Variants in CECR2 observed in about 807,000 individuals in gnomAD.
CECR2 encodes the protein CECR2 histone acetyl-lysine reader.
A neutral mutation model predicts 154.5 loss-of-function variants in CECR2; 30 were observed. That is an observed-to-expected ratio of 0.19 (90% CI 0.15 to 0.26). The LOEUF (loss-of-function observed/expected upper bound fraction) is 0.26, where lower values mean the gene tolerates loss of function less well. CECR2 is among the 10% of genes least tolerant of loss of function. CECR2 has a pLI of 1.00. For synonymous variants in CECR2, 725 were observed against 683.7 expected (o/e 1.06, Z -0.94); for missense variants, 1,743 against 1,829.3 (o/e 0.95, Z 0.86).
chr22:17,463,249 AG>A (rs1402824825), intron 1 of CECR2, among the ~76,000 whole-genome samples: 2 of 152,148 alleles, frequency 1.3e-5, no homozygotes, highest in Non-Finnish European at 2.9e-5. Flanking sequence ...AAGCGATGTT[AG>A]CGTGTCAGCA....
chr22:17,511,518 ATTTTT>A (rs36060157), intron 7 of CECR2, among the ~76,000 whole-genome samples: 3 of 146,532 alleles, frequency 2.0e-5, no homozygotes, highest in South Asian at 2.2e-4. Context: ...TGGGAAGATA[ATTTTT>A]TTTTTTTTTT....
At chr22:17,369,303 G>GCGCGCGCCCCGCCC (rs1491205695), upstream of CECR2, 1 of 150,986 alleles carries the variant, frequency 6.6e-6, no homozygotes, top group Non-Finnish European at 1.5e-5. Context: ...GGGCCCGGGG[G>GCGCGCGCCCCGCCC]CGCGCGCCCC....
chr22:17,426,820 G>A (rs116169191), intron 1 of CECR2, among the ~76,000 whole-genome samples: 2,219 of 152,028 alleles, frequency 0.015, 54 homozygotes, highest in African/African-American at 0.049. Flanking sequence ...CCTATAAATT[G>A]GTGGTTAAAT....
At chr22:17,491,790 T>G (rs1034508793) in intron 2 of CECR2, among the ~76,000 whole-genome samples, 1 of 152,206 alleles carries the variant, frequency 6.6e-6, no homozygotes, top group Admixed American at 6.5e-5. Flanking sequence ...CTTTCTTGGT[T>G]ACCCAACATA....
chr22:17,505,517 C>A (rs900664222), intron 7 of CECR2, among the ~76,000 whole-genome samples: 1 of 147,698 alleles, frequency 6.8e-6, no homozygotes, highest in African/African-American at 2.5e-5. Flanking sequence ...TTTCAAACAT[C>A]CTTCATCCTC....
At chr22:17,468,412 G>T (rs2055069017) in intron 1 of CECR2, among the ~76,000 whole-genome samples, 1 of 152,184 alleles carries the variant, frequency 6.6e-6, no homozygotes, top group African/African-American at 2.4e-5. Flanking sequence ...AGGTGTGGTG[G>T]CTCACGCCTG....
intron 7 of CECR2, among the ~76,000 whole-genome samples, chr22:17,509,466 G>C (rs1206476720): frequency 1.4e-5 from 2 of 144,424 alleles, no homozygotes; most frequent in African/African-American, 2.6e-5. Flanking sequence ...ACCTTACTCT[G>C]TTACCCAGGC....
In CECR2 at chr22:17,491,580, TG is replaced by T. The variant is rs1156606549; in HGVS notation, c.222-5822del. Among the ~76,000 whole-genome samples, 500 of 107,872 alleles carry T rather than the reference TG, an allele frequency of 4.6e-3. 19 individuals are homozygous for T. Among genetic ancestry groups the T allele is most frequent in the Admixed American group, 0.04 (388 of 9,758 alleles). 70.8% of individuals were successfully genotyped at this position (107,872 alleles called of 152,430 possible). On this transcript the variant is annotated intron_variant, in intron 2 of 18. Coordinates refer to ENST00000262608, the MANE Select transcript of CECR2 (RefSeq NM_001290047.2). Reference sequence around the variant, plus strand: ...TGGCTTCTTATTCTGTGTGTGTGTGTGTGGGGGGGTGGGTGTTTAGCAGTCG... The same window carrying T: ...TGGCTTCTTATTCTGTGTGTGTGTGTTGGGGGGGTGGGTGTTTAGCAGTCG...
At chr22:17,507,048 G>A (rs1243375464) in intron 7 of CECR2, among the ~76,000 whole-genome samples, 1 of 152,192 alleles carries the variant, frequency 6.6e-6, no homozygotes, top group Non-Finnish European at 1.5e-5. Flanking sequence ...CATGTTAATA[G>A]AGGACCAGAA....
intron 9 of CECR2, among the ~76,000 whole-genome samples, chr22:17,529,452 G>A (rs181004294): frequency 6.6e-6 from 1 of 152,338 alleles, no homozygotes; most frequent in Admixed American, 6.5e-5. Context: ...TGTAATCCCA[G>A]CACTTTGGAA....
intron 1 of CECR2, among the ~76,000 whole-genome samples, chr22:17,388,492 C>T (rs1027156805): frequency 2.0e-5 from 3 of 152,062 alleles, no homozygotes; most frequent in Admixed American, 6.6e-5. Flanking sequence ...CAGGAAAATG[C>T]GGAGGCATTT....
At chr22:17,371,179 T>C (rs1296916515) in intron 1 of CECR2, among the ~76,000 whole-genome samples, 1 of 152,170 alleles carries the variant, frequency 6.6e-6, no homozygotes, top group Non-Finnish European at 1.5e-5. Context: ...GTGAATGAAG[T>C]GTGGGAACTT....
chr22:17,524,326 C>CTGTAGCCA, intron 9 of CECR2, 55 bp downstream of exon 9: 1 of 1,588,842 alleles, frequency 6.3e-7, no homozygotes, highest in Non-Finnish European at 8.6e-7. Flanking sequence ...ACCAGCCGTC[C>CTGTAGCCA]TGTAGCCAGA....
intron 1 of CECR2, among the ~76,000 whole-genome samples, chr22:17,392,857 T>G (rs961366852): frequency 2.0e-5 from 3 of 152,058 alleles, no homozygotes; most frequent in Non-Finnish European, 4.4e-5. Flanking sequence ...CTGGCCAACA[T>G]GGTGAAACCC....
chr22:17,549,999 T>C (rs991555781), intron 17 of CECR2, among the ~76,000 whole-genome samples: 2 of 151,076 alleles, frequency 1.3e-5, no homozygotes, highest in East Asian at 1.9e-4. Context: ...ACAAAAAAAA[T>C]ATGTGAATTA....
At chr22:17,383,331 C>T (rs1275210382) in intron 1 of CECR2, among the ~76,000 whole-genome samples, 2 of 152,216 alleles carry the variant, frequency 1.3e-5, no homozygotes, top group Non-Finnish European at 2.9e-5. Flanking sequence ...AAGATTTCTC[C>T]ATAGCATGCC....
At chr22:17,544,784 T>C (rs1292214579) in intron 16 of CECR2, among the ~76,000 whole-genome samples, 1 of 111,878 alleles carries the variant, frequency 8.9e-6, no homozygotes, top group East Asian at 3.0e-4. Flanking sequence ...CACTCCAGCC[T>C]GGGCCACAAA....
At chr22:17,487,453 A>G (rs909259609) in intron 2 of CECR2, among the ~76,000 whole-genome samples, 2 of 152,168 alleles carry the variant, frequency 1.3e-5, no homozygotes, top group African/African-American at 4.8e-5. Context: ...TAATCCCAGC[A>G]CTTTGGGAGG....
intron 1 of CECR2, among the ~76,000 whole-genome samples, chr22:17,453,828 G>A (rs147485066): frequency 1.7e-4 from 26 of 152,270 alleles, no homozygotes; most frequent in Non-Finnish European, 2.6e-4. Flanking sequence ...GCTGACGAGC[G>A]TACCCTTTCT....
Sources: allele counts gnomAD v4.1 joint callset (sites outside exome capture counted in the v4.1 genomes callset), GRCh38; gene constraint gnomAD v4.1.1; transcripts MANE v1.5; gene names NCBI Gene and HGNC (gene_info 2026-07-23, HGNC 2026-07-21).